The following RGS8 variants were observed in gnomAD, a reference collection of about 807,000 sequenced individuals.
RGS8 encodes regulator of G-protein signaling 8.
RGS8 carries 8 observed loss-of-function variants against 21.7 expected under a neutral mutation model. That is an observed-to-expected ratio of 0.37 (90% CI 0.22 to 0.66). The LOEUF is 0.66. RGS8 is among the 30% of genes least tolerant of loss of function. RGS8 has a pLI of 0.59. For synonymous variants in RGS8, 80 were observed against 83.6 expected (o/e 0.96, Z 0.24); for missense variants, 157 against 217.9 (o/e 0.72, Z 1.76).
At chr1:182,702,274 T>A in the RGS8 span, among the ~76,000 whole-genome samples, 2 of 152,244 alleles carry the variant, frequency 1.3e-5, no homozygotes, top group South Asian at 4.1e-4. Context: ...TGGATGCAGG[T>A]GGAGGCCATA....
intron 6 of RGS8, 63 bp from the exon 8 acceptor site, chr1:182,646,980 C>T (rs969758310): frequency 1.5e-6 from 2 of 1,375,360 alleles, no homozygotes; most frequent in Non-Finnish European, 2.0e-6. Flanking sequence ...TGGCAGCTGG[C>T]CCTAACTATG....
the RGS8 span, among the ~76,000 whole-genome samples, chr1:182,709,031 C>G: frequency 3.3e-5 from 5 of 150,300 alleles, no homozygotes; most frequent in African/African-American, 1.2e-4. Flanking sequence ...CACACACCTT[C>G]TTCTCTCCGT....
At chr1:182,746,010 C>A in the RGS8 span, among the ~76,000 whole-genome samples, 1 of 152,188 alleles carries the variant, frequency 6.6e-6, no homozygotes. Flanking sequence ...AGTCCAAGTT[C>A]TGCCCTCTAG....
chr1:182,692,140 G>C, the RGS8 span, among the ~76,000 whole-genome samples: 14 of 151,930 alleles, frequency 9.2e-5, no homozygotes, highest in South Asian at 2.7e-3. Flanking sequence ...TGAGTAGCTG[G>C]GATTACAGGC....
At chr1:182,742,476 T>A in the RGS8 span, among the ~76,000 whole-genome samples, 1 of 152,090 alleles carries the variant, frequency 6.6e-6, no homozygotes, top group East Asian at 1.9e-4. Flanking sequence ...CGAGACTCCG[T>A]CTGCAATCTC....
chr1:182,709,213 T>G, the RGS8 span, among the ~76,000 whole-genome samples: 5 of 152,332 alleles, frequency 3.3e-5, no homozygotes, highest in Non-Finnish European at 7.3e-5. Flanking sequence ...ACACTGGGCC[T>G]CATAGTTTCT....
the RGS8 span, among the ~76,000 whole-genome samples, chr1:182,728,673 A>T: frequency 6.6e-6 from 1 of 152,248 alleles, no homozygotes; most frequent in Non-Finnish European, 1.5e-5. Context: ...AAGAAAATCA[A>T]CAGAAGAACT....
the RGS8 span, among the ~76,000 whole-genome samples, chr1:182,717,086 G>T: frequency 6.6e-6 from 1 of 152,198 alleles, no homozygotes; most frequent in African/African-American, 2.4e-5. Context: ...TTAATGACCA[G>T]CTCTGTGACC....
the RGS8 span, among the ~76,000 whole-genome samples, chr1:182,726,284 T>A: frequency 6.6e-6 from 1 of 152,084 alleles, no homozygotes. Context: ...TTTTCAAGTA[T>A]CCTCTAAGGG....
In RGS8 at chr1:182,667,060, C is replaced by T. The variant is rs112410428; in HGVS notation, c.27-87G>A. ...TACAGGGCCCCTGGAGCTGCTGCTA[C>T]GGGAGCCAGCACTGCCCCCACCCTT... On this transcript the variant is annotated intron_variant, in intron 3 of 6. Coordinates refer to ENST00000483095, the Ensembl canonical transcript of RGS8. The T allele has an allele frequency of 2.8e-4, 309 of 1,085,818 alleles. No individual in the cohort carries two copies. The African/African-American group carries it at 4.1e-3, about 14-fold the overall frequency. 67.3% of individuals were successfully genotyped at this position (1,085,818 alleles called of 1,614,324 possible). A position where few individuals can be genotyped will look rare whatever the true frequency, so the allele number is the denominator to read the frequency against.
At chr1:182,669,603 A>G in intron 3 of RGS8, 21 bp downstream of exon 4, 4 of 1,614,224 alleles carry the variant, frequency 2.5e-6, no homozygotes, top group Non-Finnish European at 3.4e-6. Flanking sequence ...GGGGCAAGAA[A>G]ACAGGCCATT....
chr1:182,722,560 T>C, the RGS8 span, among the ~76,000 whole-genome samples: 1 of 152,130 alleles, frequency 6.6e-6, no homozygotes, highest in Non-Finnish European at 1.5e-5. Context: ...GCTCTTTCTA[T>C]GCGTCTGGTG....
the RGS8 span, among the ~76,000 whole-genome samples, chr1:182,697,416 CAAG>C: frequency 1.3e-5 from 2 of 152,214 alleles, no homozygotes; most frequent in African/African-American, 4.8e-5. Flanking sequence ...CCCTTGCTAA[CAAG>C]AAGGAAATTC....
At chr1:182,661,201 T>C (rs1481419460) in intron 5 of RGS8, among the ~76,000 whole-genome samples, 1 of 152,010 alleles carries the variant, frequency 6.6e-6, no homozygotes, top group Non-Finnish European at 1.5e-5. Flanking sequence ...AAAGTTTCTC[T>C]GTGGGTATCC....
At chr1:182,736,721 G>A in the RGS8 span, among the ~76,000 whole-genome samples, 1 of 152,210 alleles carries the variant, frequency 6.6e-6, no homozygotes, top group Admixed American at 6.5e-5. Flanking sequence ...CTAGCAACTT[G>A]CTTCAAACAT....
the RGS8 span, among the ~76,000 whole-genome samples, chr1:182,700,576 T>G: frequency 6.6e-6 from 1 of 152,206 alleles, no homozygotes; most frequent in Non-Finnish European, 1.5e-5. Flanking sequence ...GGGTGCATCT[T>G]CCGTCTTCTA....
upstream of RGS8, among the ~76,000 whole-genome samples, chr1:182,687,615 C>G (rs762726802): frequency 1.3e-5 from 2 of 152,164 alleles, no homozygotes; most frequent in East Asian, 3.8e-4. Flanking sequence ...GGTCAAATAC[C>G]AAAATGTGAG....
the RGS8 span, among the ~76,000 whole-genome samples, chr1:182,710,393 A>G: frequency 6.6e-6 from 1 of 152,058 alleles, no homozygotes; most frequent in Non-Finnish European, 1.5e-5. Flanking sequence ...CACAGCCTCT[A>G]CTTGTTCACT....
chr1:182,681,565 G>A (rs183424347), intron 1 of RGS8, among the ~76,000 whole-genome samples: 26 of 152,288 alleles, frequency 1.7e-4, no homozygotes, highest in East Asian at 1.4e-3. Flanking sequence ...AGTGGGGTTC[G>A]GCCACAGCAA....
Sources: allele counts gnomAD v4.1 joint callset (sites outside exome capture counted in the v4.1 genomes callset), GRCh38; gene constraint gnomAD v4.1.1; transcripts MANE v1.5; gene names NCBI Gene and HGNC (gene_info 2026-07-23, HGNC 2026-07-21).